ERC1: variants seen among roughly 807,000 people sequenced by gnomAD.
ERC1 encodes the protein RAB6 interacting protein 2.
ERC1 carries 56 observed loss-of-function variants against 132.0 expected under a neutral mutation model. The ratio of observed to expected loss-of-function variants is 0.42; its 90% CI spans 0.34 to 0.53. The LOEUF (loss-of-function observed/expected upper bound fraction) is 0.53. Ranked by LOEUF, ERC1 falls within the 20% of genes least tolerant of loss-of-function variation. The probability of loss-of-function intolerance (pLI) is 0.03; values close to 1 mark genes in which losing one functional copy is unlikely to be tolerated. For missense variants in ERC1, 1,202 were observed against 1,349.9 expected, an observed-to-expected ratio of 0.89 and a Z score of 1.72; for synonymous variants, 478 against 476.1, an observed-to-expected ratio of 1.00 and a Z score of -0.05.
chr12:1,041,620 C>G (rs537780174), intron 2 of ERC1, among the ~76,000 whole-genome samples: 1 of 152,202 alleles, frequency 6.6e-6, no homozygotes, highest in African/African-American at 2.4e-5. Context: ...CACTCTTTAG[C>G]TGAGATCTCT....
chr12:1,159,748 T>G lies in ERC1; in HGVS notation c.1737+17961T>G, dbSNP rs186540231. Among the ~76,000 whole-genome samples, 909 of 152,316 alleles carry G rather than the reference T, an allele frequency of 6.0e-3. 6 individuals are homozygous for G. Among genetic ancestry groups the G allele is most frequent in the South Asian group, 0.022 (106 of 4,826 alleles). The stretch of plus-strand genomic sequence containing the variant: ...GATTTTTCTTCCATCTTGACTTGTT[T>G]AGTTAGGATTTTGGATCTAATTGCA... On this transcript the variant is annotated intron_variant, in intron 8 of 18. Transcript: ENST00000360905.
chr12:1,335,731 G>A (rs566388713), intron 15 of ERC1, among the ~76,000 whole-genome samples: 15 of 152,182 alleles, frequency 9.9e-5, no homozygotes, highest in African/African-American at 2.9e-4. Context: ...GGATGATGCC[G>A]ACCTCGTAGA....
intron 16 of ERC1, among the ~76,000 whole-genome samples, chr12:1,396,332 C>T (rs1053752111): frequency 5.9e-5 from 9 of 152,162 alleles, no homozygotes; most frequent in Admixed American, 1.3e-4. Flanking sequence ...AAATATATGT[C>T]GTCCTTAATC....
chr12:1,312,080 A>G (rs573951257), intron 15 of ERC1, among the ~76,000 whole-genome samples: 1 of 152,306 alleles, frequency 6.6e-6, no homozygotes, highest in Admixed American at 6.5e-5. Context: ...TCCTAGAAAC[A>G]CATTTTCTGC....
intron 2 of ERC1, among the ~76,000 whole-genome samples, chr12:1,060,874 C>T (rs184570499): frequency 6.6e-6 from 1 of 150,984 alleles, no homozygotes; most frequent in Admixed American, 6.6e-5. Context: ...TACAGGTGCC[C>T]ACCACCACGC....
intron 2 of ERC1, among the ~76,000 whole-genome samples, chr12:1,053,371 A>G (rs1379605740): frequency 6.6e-6 from 1 of 152,146 alleles, no homozygotes; most frequent in Non-Finnish European, 1.5e-5. Flanking sequence ...GGAGGAGATC[A>G]CCCCACCCCA....
chr12:1,134,722 C>T (rs1949089442), intron 7 of ERC1, among the ~76,000 whole-genome samples: 1 of 144,214 alleles, frequency 6.9e-6, no homozygotes, highest in Non-Finnish European at 1.5e-5. Context: ...TGGGGGTCCT[C>T]AGTAACTTTT....
intron 15 of ERC1, among the ~76,000 whole-genome samples, chr12:1,308,689 C>T (rs1209443916): frequency 6.6e-6 from 1 of 152,148 alleles, no homozygotes; most frequent in Non-Finnish European, 1.5e-5. Context: ...TTATTACTTA[C>T]TCATCAAATG....
intron 15 of ERC1, among the ~76,000 whole-genome samples, chr12:1,308,170 T>A (rs1016887318): frequency 6.6e-6 from 1 of 152,106 alleles, no homozygotes; most frequent in Non-Finnish European, 1.5e-5. Flanking sequence ...AGTCATGTGT[T>A]CATAGGTGAG....
chr12:1,056,380 T>C (rs548860123), intron 2 of ERC1, among the ~76,000 whole-genome samples: 3,766 of 151,936 alleles, frequency 0.025, 145 homozygotes, highest in African/African-American at 0.086. Flanking sequence ...AAGAGTGAGG[T>C]TCAGAGTGGA....
intron 1 of ERC1, among the ~76,000 whole-genome samples, chr12:1,005,120 C>T (rs1407186790): frequency 1.3e-5 from 2 of 152,010 alleles, no homozygotes; most frequent in Non-Finnish European, 2.9e-5. Context: ...AATTAGTTCC[C>T]ATCCCTTTTC....
At chr12:1,463,697 C>CTGTGTGTGTGTGTGTGTGTGTGTGTG (rs57210462) in intron 18 of ERC1, among the ~76,000 whole-genome samples, 1,458 of 136,008 alleles carry the variant, frequency 0.011, 43 homozygotes, top group African/African-American at 0.02. Context: ...GGTGCTAAGA[C>CTGTGTGTGTGTGTGTGTGTGTGTGTG]TGTGTGTGTG....
chr12:1,097,790 CTG>C (rs999577987), intron 3 of ERC1, among the ~76,000 whole-genome samples: 40 of 151,160 alleles, frequency 2.6e-4, no homozygotes, highest in African/African-American at 8.5e-4. Context: ...TCTCGGCTGA[CTG>C]TAACCTCTGC....
intron 12 of ERC1, among the ~76,000 whole-genome samples, chr12:1,191,851 GAAA>G (rs748858506): frequency 7.3e-6 from 1 of 137,144 alleles, no homozygotes; most frequent in African/African-American, 2.7e-5. Context: ...TTGGCTACTG[GAAA>G]AAAAAAAAAA....
intron 15 of ERC1, among the ~76,000 whole-genome samples, chr12:1,294,150 CTGA>C (rs1290105189): frequency 2.6e-5 from 4 of 152,102 alleles, no homozygotes; most frequent in Admixed American, 6.5e-5. Flanking sequence ...TTTTTCTGCC[CTGA>C]TATTCAGTGC....
chr12:1,408,610 GA>G (rs1163838155), intron 17 of ERC1, among the ~76,000 whole-genome samples: 2 of 152,164 alleles, frequency 1.3e-5, no homozygotes, highest in African/African-American at 4.8e-5. Context: ...AGAAAAACAA[GA>G]CTCTTTCCTT....
intron 12 of ERC1, among the ~76,000 whole-genome samples, chr12:1,207,215 G>A (rs183534764): frequency 4.6e-5 from 7 of 152,114 alleles, no homozygotes; most frequent in Non-Finnish European, 5.9e-5. Flanking sequence ...TTAAGAAAAG[G>A]CACTATACTA....
chr12:1,221,058 A>G (rs1165388939), intron 12 of ERC1, among the ~76,000 whole-genome samples: 2 of 151,902 alleles, frequency 1.3e-5, no homozygotes, highest in Non-Finnish European at 2.9e-5. Flanking sequence ...TATTTTTCCC[A>G]TTGGACTTAT....
rs780517697 is a variant in ERC1 at position 1,183,368 on chromosome 12, G to T, written c.2104G>T (p.Ala702Ser). The part of the protein sequence containing the change: ...KDSRLKTLEI[A>S]LEQKKEECLK... ...CTCACGGCTTAAGACACTAGAGATT[G>T]CTTTGGAGCAGAAGAAGGAGGAGTG... The change falls in exon 11 of 19, where the codon GCT becomes TCT. Residue 702 changes from alanine to serine, a missense_variant. By Grantham distance (99) the Ala-to-Ser change is moderately conservative. Coordinates refer to ENST00000360905, the MANE Select transcript of ERC1 (RefSeq NM_178040.4). 14 of 1,596,930 alleles carry T rather than the reference G, an allele frequency of 8.8e-6. No homozygotes were observed. The highest frequency in any genetic ancestry group is 1.2e-5 in the Non-Finnish European group (14 of 1,168,080).
Sources: gnomAD v4.1 joint callset for allele counts (sites outside exome capture counted in the v4.1 genomes callset) on GRCh38, gnomAD v4.1.1 for gene constraint, MANE v1.5 for transcripts, NCBI Gene and HGNC (gene_info 2026-07-23, HGNC 2026-07-21) for gene names.